The following DDAH1 variants were observed in gnomAD, a reference collection of about 807,000 sequenced individuals.
DDAH1 encodes N(G),N(G)-dimethylarginine dimethylaminohydrolase 1.
A neutral mutation model predicts 28.8 loss-of-function variants in DDAH1; 19 were observed. The ratio of observed to expected loss-of-function variants is 0.66; its 90% CI spans 0.46 to 0.97. DDAH1 has a LOEUF of 0.97. Ranked by LOEUF, DDAH1 falls within the 50% of genes least tolerant of loss-of-function variation. DDAH1 has a pLI of 0.00. For synonymous variants in DDAH1, 153 were observed against 154.4 expected (o/e 0.99, Z 0.07); for missense variants, 326 against 375.9 (o/e 0.87, Z 1.10).
intron 1 of DDAH1, among the ~76,000 whole-genome samples, chr1:85,567,161 T>A (rs1049837561): frequency 4.6e-5 from 7 of 152,172 alleles, no homozygotes; most frequent in African/African-American, 1.7e-4. Flanking sequence ...AATGTTAACC[T>A]CATCCAAAAA....
At chr1:85,415,621 T>C (rs1652856498) in intron 1 of DDAH1, among the ~76,000 whole-genome samples, 1 of 152,154 alleles carries the variant, frequency 6.6e-6, no homozygotes, top group Non-Finnish European at 1.5e-5. Flanking sequence ...ATAAAAAGTA[T>C]GATTCTATTT....
intron 1 of DDAH1, among the ~76,000 whole-genome samples, chr1:85,390,474 A>C (rs1651494889): frequency 6.6e-6 from 1 of 152,186 alleles, no homozygotes; most frequent in African/African-American, 2.4e-5. Flanking sequence ...ACCTCCAGGA[A>C]AGGGAAGGGG....
intron 1 of DDAH1, among the ~76,000 whole-genome samples, chr1:85,427,530 T>G (rs963646521): frequency 6.6e-6 from 1 of 152,146 alleles, no homozygotes; most frequent in Non-Finnish European, 1.5e-5. Flanking sequence ...TATCTAGAAA[T>G]AGCAAGTACA....
rs541281745 is a variant in DDAH1 at position 85,558,566 on chromosome 1, G to A, written c.-123+19418C>T. ...TGACTCCAGTTCTAGTTTGTGATGGGTCTCTATGTTTTTTGATTTTATTGC... is the reference window on the plus strand; with the variant it reads ...TGACTCCAGTTCTAGTTTGTGATGGATCTCTATGTTTTTTGATTTTATTGC... On this transcript the variant is annotated intron_variant, in intron 1 of 6. Coordinates refer to the DDAH1 transcript ENST00000426972. 3.9e-5 allele frequency among the ~76,000 whole-genome samples: 6 copies of A among 152,242 alleles called. No individual in the cohort carries two copies. The South Asian group carries it at 1.2e-3, about 32-fold the overall frequency.
intron 1 of DDAH1, among the ~76,000 whole-genome samples, chr1:85,460,966 T>C (rs1296245948): frequency 1.3e-5 from 2 of 152,236 alleles, no homozygotes; most frequent in Non-Finnish European, 2.9e-5. Flanking sequence ...ACATTGACTT[T>C]TGGCCAGGCA....
At chr1:85,323,392 G>A (rs1557454370) in intron 5 of DDAH1, among the ~76,000 whole-genome samples, 4 of 152,088 alleles carry the variant, frequency 2.6e-5, no homozygotes, top group Non-Finnish European at 5.9e-5. Context: ...GCTTGGTAGG[G>A]TAAAATCGAA....
intron 1 of DDAH1, among the ~76,000 whole-genome samples, chr1:85,389,407 G>T (rs1006471991): frequency 1.3e-5 from 2 of 152,214 alleles, no homozygotes; most frequent in Non-Finnish European, 2.9e-5. Context: ...TAGTCTGGGA[G>T]TCTAGACTAT....
At chr1:85,529,321 TTGAGCTGGA>T (rs1262194960) in intron 1 of DDAH1, among the ~76,000 whole-genome samples, 6 of 152,288 alleles carry the variant, frequency 3.9e-5, no homozygotes, top group Admixed American at 2.0e-4. Context: ...TTTTTGCATA[TTGAGCTGGA>T]TTAAAATAGG....
intron 1 of DDAH1, among the ~76,000 whole-genome samples, chr1:85,523,719 T>A (rs1657767855): frequency 6.6e-6 from 1 of 152,190 alleles, no homozygotes; most frequent in South Asian, 2.1e-4. Flanking sequence ...CCAAAAAGTA[T>A]CAGCTATAAT....
intron 1 of DDAH1, among the ~76,000 whole-genome samples, chr1:85,450,033 CG>C (rs1207477980): frequency 3.9e-5 from 6 of 152,140 alleles, no homozygotes; most frequent in African/African-American, 1.4e-4. Flanking sequence ...CAGGTAACAC[CG>C]GTCTCATCTA....
intron 1 of DDAH1, among the ~76,000 whole-genome samples, chr1:85,364,573 G>A (rs1349281602): frequency 1.3e-5 from 2 of 150,982 alleles, no homozygotes; most frequent in Non-Finnish European, 2.9e-5. Flanking sequence ...TTGAGACAGA[G>A]TTTCACTCTT....
chr1:85,334,486 G>C (rs2100808198), intron 4 of DDAH1, among the ~76,000 whole-genome samples: 1 of 152,300 alleles, frequency 6.6e-6, no homozygotes, highest in Non-Finnish European at 1.5e-5. Flanking sequence ...CAATGTTGGG[G>C]GAGGGACCCG....
intron 1 of DDAH1, among the ~76,000 whole-genome samples, chr1:85,532,825 C>T (rs1203303526): frequency 6.6e-6 from 1 of 152,204 alleles, no homozygotes; most frequent in Non-Finnish European, 1.5e-5. Flanking sequence ...AAGTATATGA[C>T]ATCTACCAAA....
At chr1:85,439,675 T>C (rs988706151) in intron 1 of DDAH1, among the ~76,000 whole-genome samples, 9 of 152,228 alleles carry the variant, frequency 5.9e-5, no homozygotes, top group Non-Finnish European at 5.9e-5. Context: ...GAATTCAACA[T>C]ACAGTTCAGC....
intron 1 of DDAH1, among the ~76,000 whole-genome samples, chr1:85,564,306 T>C (rs540719405): frequency 1.3e-5 from 2 of 152,248 alleles, no homozygotes; most frequent in Admixed American, 1.3e-4. Flanking sequence ...TTAGAAACTT[T>C]CCATAGTGAA....
intron 2 of DDAH1, among the ~76,000 whole-genome samples, chr1:85,487,592 A>C (rs1656247191): frequency 6.6e-6 from 1 of 152,214 alleles, no homozygotes; most frequent in Non-Finnish European, 1.5e-5. Flanking sequence ...TTATTACTTT[A>C]AAAAAGTAAA....
intron 1 of DDAH1, among the ~76,000 whole-genome samples, chr1:85,359,129 C>G (rs895032691): frequency 6.6e-6 from 1 of 152,200 alleles, no homozygotes; most frequent in Non-Finnish European, 1.5e-5. Context: ...AGTTACAATA[C>G]TGTTGGAGGC....
intron 1 of DDAH1, among the ~76,000 whole-genome samples, chr1:85,506,627 G>A (rs1394301752): frequency 6.6e-6 from 1 of 152,180 alleles, no homozygotes; most frequent in East Asian, 1.9e-4. Flanking sequence ...TGTGACCTAG[G>A]TAGAGCTTAG....
At chr1:85,396,951 C>T (rs958874531) in intron 1 of DDAH1, among the ~76,000 whole-genome samples, 3 of 151,470 alleles carry the variant, frequency 2.0e-5, no homozygotes, top group Non-Finnish European at 2.9e-5. Flanking sequence ...GTGGGAGGAT[C>T]GCCTGAGCCC....
Sources: gnomAD v4.1 joint callset for allele counts (sites outside exome capture counted in the v4.1 genomes callset) on GRCh38, gnomAD v4.1.1 for gene constraint, MANE v1.5 for transcripts, NCBI Gene and HGNC (gene_info 2026-07-23, HGNC 2026-07-21) for gene names.